Variants in PCDHA10 observed in about 807,000 individuals in gnomAD.
The protein encoded by PCDHA10 is protocadherin alpha 10, also known as protocadherin alpha-10.
Under a neutral mutation model 61.2 loss-of-function variants are expected in PCDHA10, and 45 were observed. That is an observed-to-expected ratio of 0.74 (90% CI 0.58 to 0.94). The LOEUF (loss-of-function observed/expected upper bound fraction) is 0.94. Among genes scored for constraint, PCDHA10 ranks in the 40% least tolerant of loss-of-function variants. The probability of loss-of-function intolerance (pLI) is 0.00; values close to 1 mark genes in which losing one functional copy is unlikely to be tolerated. For missense variants in PCDHA10, 1,278 were observed against 1,236.2 expected (o/e 1.03, Z -0.51); for synonymous variants, 602 against 548.8 (o/e 1.10, Z -1.35).
At chr5:140,957,397 A>C (rs553656426) in intron 1 of PCDHA10, among the ~76,000 whole-genome samples, 1 of 152,282 alleles carries the variant, frequency 6.6e-6, no homozygotes, top group South Asian at 2.1e-4. Context: ...AATTGTCCTA[A>C]TTTATTATTA....
chr5:140,877,179 G>A (rs1554169418), intron 1 of PCDHA10: 8 of 1,613,712 alleles, frequency 5.0e-6, no homozygotes, highest in East Asian at 2.2e-5. Flanking sequence ...TGGCGACTCC[G>A]GCTGGCAGCG....
At chr5:141,000,410 TATATA>T in intron 3 of PCDHA10, among the ~76,000 whole-genome samples, 1 of 101,974 alleles carries the variant, frequency 9.8e-6, no homozygotes, top group African/African-American at 3.9e-5. Context: ...TATATATATA[TATATA>T]TATATATTTT....
chr5:140,906,194 A>C (rs543979654), intron 1 of PCDHA10, among the ~76,000 whole-genome samples: 6 of 152,288 alleles, frequency 3.9e-5, no homozygotes, highest in African/African-American at 1.2e-4. Context: ...AATCCAATCA[A>C]GTTGACACTC....
intron 1 of PCDHA10, among the ~76,000 whole-genome samples, chr5:140,952,977 C>G (rs148504111): frequency 6.6e-6 from 1 of 152,064 alleles, no homozygotes; most frequent in East Asian, 1.9e-4. Flanking sequence ...TTTTAAACAA[C>G]AAGATCTCAT....
intron 3 of PCDHA10, among the ~76,000 whole-genome samples, chr5:140,986,426 T>C (rs1405347449): frequency 1.3e-5 from 2 of 152,216 alleles, no homozygotes; most frequent in East Asian, 3.9e-4. Context: ...TTTAACTTCA[T>C]GAGTACTAAT....
chr5:140,971,040 A>G (rs1554232989), intron 1 of PCDHA10, among the ~76,000 whole-genome samples: 2 of 152,194 alleles, frequency 1.3e-5, no homozygotes, highest in Non-Finnish European at 2.9e-5. Flanking sequence ...AAGCACGTAA[A>G]AGGGTTTAGC....
At chr5:140,899,403 G>A (rs1458189120) in intron 1 of PCDHA10, among the ~76,000 whole-genome samples, 6 of 152,230 alleles carry the variant, frequency 3.9e-5, no homozygotes, top group Admixed American at 1.3e-4. Context: ...AGCATGAAGG[G>A]TTGTTGAATT....
intron 3 of PCDHA10, among the ~76,000 whole-genome samples, chr5:141,001,540 G>A (rs1318714170): frequency 6.6e-6 from 1 of 152,174 alleles, no homozygotes; most frequent in African/African-American, 2.4e-5. Flanking sequence ...TCCTGGACAG[G>A]ATTTGGGTTT....
chr5:140,943,090 C>G (rs554425182), intron 1 of PCDHA10, among the ~76,000 whole-genome samples: 3 of 151,542 alleles, frequency 2.0e-5, no homozygotes, highest in African/African-American at 7.3e-5. Context: ...AATCCTGCCT[C>G]TACTAAAAAA....
In PCDHA10 at chr5:140,858,203, C is replaced by T. The variant is rs781959847; in HGVS notation, c.2155C>T (p.Leu719=). Residue 719 remains leucine (L), a synonymous_variant, in exon 1 of 4, where the codon CTG becomes TTG. Coordinates refer to ENST00000307360, the MANE Select transcript of PCDHA10 (RefSeq NM_018901.4). ...LVLTLLLYTA[L]RCSAAPTEGA... The stretch of plus-strand genomic sequence containing the variant: ...GCTCACGCTGCTGCTGTACACTGCA[C>T]TGAGGTGCTCGGCGGCGCCCACCGA... The T allele has an allele frequency of 3.7e-5, 59 of 1,595,952 alleles. 8 individuals are homozygous for T. Among genetic ancestry groups the T allele is most frequent in the Non-Finnish European group, 4.8e-5 (56 of 1,166,554 alleles).
At chr5:140,882,294 C>T (rs1554173437) in intron 1 of PCDHA10, 1 of 1,613,662 alleles carries the variant, frequency 6.2e-7, no homozygotes. Flanking sequence ...CAAGGAGGCC[C>T]AAGACCGCGG....
Position 140,883,224 on chromosome 5 carries a change from C to A in PCDHA10, c.2388+24788C>A, listed in dbSNP as rs782659730. The stretch of plus-strand genomic sequence containing the variant: ...GAAGAAAAGAAATTATATGAAATAT[C>A]CGTGGAGGCAGTTGACAAAGGAAAT... On this transcript the variant is annotated intron_variant, in intron 1 of 3. Transcript: ENST00000307360. The A allele has an allele frequency of 1.2e-5, 20 of 1,613,828 alleles. 2 individuals carry two copies. In the South Asian group the frequency reaches 2.2e-4, roughly 18 times the overall value.
chr5:140,954,184 T>C (rs2094994216), intron 1 of PCDHA10, among the ~76,000 whole-genome samples: 1 of 152,236 alleles, frequency 6.6e-6, no homozygotes, highest in Non-Finnish European at 1.5e-5. Flanking sequence ...CAGTCTATCA[T>C]TGATGGGCAT....
At chr5:140,912,679 T>G (rs367681467) in intron 1 of PCDHA10, among the ~76,000 whole-genome samples, 3 of 152,334 alleles carry the variant, frequency 2.0e-5, no homozygotes, top group South Asian at 4.1e-4. Context: ...CCTTGACTTA[T>G]TCCAGGTCTC....
intron 1 of PCDHA10, among the ~76,000 whole-genome samples, chr5:140,941,286 C>CTCTT (rs5871754): frequency 5.6e-5 from 6 of 106,818 alleles, no homozygotes; most frequent in African/African-American, 1.4e-4. Context: ...TCCTTCCTTT[C>CTCTT]TCTTTCTTTC....
At chr5:140,877,575 C>T (rs1244471489) in intron 1 of PCDHA10, 1 of 1,613,826 alleles carries the variant, frequency 6.2e-7, no homozygotes, top group Non-Finnish European at 8.5e-7. Context: ...TGTACCTCAT[C>T]ATCGCCATCT....
At chr5:140,928,309 G>C in intron 1 of PCDHA10, 1 of 1,614,124 alleles carries the variant, frequency 6.2e-7, no homozygotes, top group Non-Finnish European at 8.5e-7. Flanking sequence ...CCAGGACCCC[G>C]ACCTGGGGAA....
At chr5:141,000,079 G>A (rs1233130123) in intron 3 of PCDHA10, among the ~76,000 whole-genome samples, 2 of 152,102 alleles carry the variant, frequency 1.3e-5, no homozygotes, top group Non-Finnish European at 2.9e-5. Flanking sequence ...CACAATGCTA[G>A]GCCTGTGAAT....
intron 1 of PCDHA10, chr5:140,877,068 G>T: frequency 6.2e-7 from 1 of 1,613,122 alleles, no homozygotes; most frequent in African/African-American, 1.3e-5. Context: ...AGCTGCTGCA[G>T]TTCCAGGTGA....
Sources: gnomAD v4.1 joint callset for allele counts (sites outside exome capture counted in the v4.1 genomes callset) on GRCh38, gnomAD v4.1.1 for gene constraint, MANE v1.5 for transcripts, NCBI Gene and HGNC (gene_info 2026-07-23, HGNC 2026-07-21) for gene names.